The following CSF1R variants were observed in gnomAD, a reference collection of about 807,000 sequenced individuals.
CSF1R encodes macrophage colony-stimulating factor 1 receptor.
A neutral mutation model predicts 110.0 loss-of-function variants in CSF1R; 40 were observed. That is an observed-to-expected ratio of 0.36 (90% confidence interval 0.28 to 0.47). The LOEUF (loss-of-function observed/expected upper bound fraction) is 0.47, where lower values mean the gene tolerates loss of function less well. CSF1R is among the 20% of genes least tolerant of loss of function. The probability of loss-of-function intolerance (pLI) is 0.99; values close to 1 mark genes in which losing one functional copy is unlikely to be tolerated. For synonymous variants in CSF1R, 523 were observed against 503.4 expected (o/e 1.04, Z -0.52); for missense variants, 1,052 against 1,253.0 (o/e 0.84, Z 2.42).
rs187381023 is a variant in CSF1R, at chr5:150,107,886, C to T, written c.-181+5375G>A. On this transcript the variant is annotated intron_variant, in intron 1 of 21. Transcript: ENST00000286301. ...GATATTTCTCAATCACTGTCCCTGG[C>T]CCTGGGGACATGGTGGTGAACAGGT... is the stretch of plus-strand genomic sequence containing the variant. Among the ~76,000 whole-genome samples the T allele has an allele frequency of 4.0e-3, 607 of 152,330 alleles. 6 individuals carry two copies. Among genetic ancestry groups the T allele is most frequent in the Non-Finnish European group, 4.9e-3 (331 of 68,030 alleles).
intron 6 of CSF1R, among the ~76,000 whole-genome samples, chr5:150,071,457 C>G (rs985720627): frequency 6.6e-6 from 1 of 152,166 alleles, no homozygotes; most frequent in Admixed American, 6.5e-5. Flanking sequence ...TACTACTAGA[C>G]TAAAATCTAT....
At position 150,080,170 on chromosome 5, in the gene CSF1R, G is replaced by T; in HGVS notation, c.474C>A (p.Pro158=). The change falls in exon 3 of 21, where the codon CCC becomes CCA. Residue 158 remains proline (P), a synonymous_variant. Transcript: ENST00000675795. ...LMRHTNYSFS[P]WHGFTIHRAK... Reference sequence around the variant, plus strand: ...CCCTGTGGATGGTGAAGCCATGCCAGGGCGAGAAGGAGTAGTTGGTGTGGC... The same window carrying T: ...CCCTGTGGATGGTGAAGCCATGCCATGGCGAGAAGGAGTAGTTGGTGTGGC... The T allele has an allele frequency of 6.2e-7, 1 of 1,613,944 alleles. No homozygotes were observed. The highest frequency in any genetic ancestry group is 2.2e-5 in the East Asian group (1 of 44,880).
upstream of CSF1R, among the ~76,000 whole-genome samples, chr5:150,089,036 C>T (rs947185165): frequency 6.6e-6 from 1 of 152,084 alleles, no homozygotes; most frequent in Non-Finnish European, 1.5e-5. Flanking sequence ...CAAAACAAAA[C>T]AAAACCCACC....
At chr5:150,103,170 G>T (rs1307027385) in intron 1 of CSF1R, among the ~76,000 whole-genome samples, 1 of 152,218 alleles carries the variant, frequency 6.6e-6, no homozygotes, top group African/African-American at 2.4e-5. Flanking sequence ...TTTCTGAGTC[G>T]AAGGCCTAGG....
At chr5:150,061,652 G>T (rs1757533776) in intron 11 of CSF1R, 57 bp from the exon 12 acceptor site, 2 of 1,613,970 alleles carry the variant, frequency 1.2e-6, no homozygotes, top group Middle Eastern at 1.6e-4. Flanking sequence ...CTGTCCAAGG[G>T]CCCATGGGCT....
intron 10 of CSF1R, 63 bp downstream of exon 10, chr5:150,068,152 T>C: frequency 1.5e-6 from 2 of 1,312,050 alleles, no homozygotes; most frequent in Non-Finnish European, 2.2e-6. Flanking sequence ...CCATGCAGCC[T>C]GGGGGTACCA....
intron 10 of CSF1R, among the ~76,000 whole-genome samples, chr5:150,062,795 ATAAAG>A (rs1465184761): frequency 2.6e-5 from 4 of 152,202 alleles, no homozygotes; most frequent in Non-Finnish European, 5.9e-5. Context: ...TATGAAGAAA[ATAAAG>A]TAAGATAAGT....
chr5:150,086,469 G>A lies in CSF1R; in HGVS notation c.-42C>T, dbSNP rs767300847. 8.2e-6 allele frequency: 13 copies of A among 1,588,660 alleles called. No individual in the cohort carries two copies. In the South Asian group the frequency reaches 1.3e-4, roughly 15 times the overall value. On this transcript the variant is annotated 5_prime_UTR_variant, in exon 1 of 21. Coordinates refer to ENST00000675795, the MANE Select transcript of CSF1R (RefSeq NM_001288705.3). The stretch of plus-strand genomic sequence containing the variant: ...TGGCAGGCAGGTGCAGGGCTGCAAG[G>A]TGCCCAGGGCACAGAGCTCTCAGCT...
Position 150,110,301 on chromosome 5 carries a change from G to A in CSF1R, c.-181+2960C>T, listed in dbSNP as rs562202234. Reference sequence around the variant, plus strand: ...TAGAGGCTGCCTGTGTCAGGAATAAGAACCTCTTCCCCTCCCCTGTCAAGG... The same window carrying A: ...TAGAGGCTGCCTGTGTCAGGAATAAAAACCTCTTCCCCTCCCCTGTCAAGG... On this transcript the variant is annotated intron_variant, in intron 1 of 21. Coordinates refer to the CSF1R transcript ENST00000286301. Among the ~76,000 whole-genome samples, 36 of 152,284 alleles carry A rather than the reference G, an allele frequency of 2.4e-4. No individual in the cohort carries two copies. The South Asian group carries it at 7.5e-3, about 32-fold the overall frequency.
intron 19 of CSF1R, 72 bp from the exon 20 acceptor site, chr5:150,054,502 A>G: frequency 3.1e-6 from 4 of 1,303,348 alleles, no homozygotes; most frequent in Non-Finnish European, 4.3e-6. Context: ...ACACCCCTAG[A>G]GAGACCTACC....
At chr5:150,055,915 G>T in intron 18 of CSF1R, 111 bp downstream of exon 18, 1 of 953,898 alleles carries the variant, frequency 1.0e-6, no homozygotes, top group Non-Finnish European at 1.6e-6. Flanking sequence ...GCCCATTCCT[G>T]CACTCTCACC....
At chr5:150,080,634 G>T in intron 2 of CSF1R, 133 bp downstream of exon 2, 3 of 1,163,136 alleles carry the variant, frequency 2.6e-6, no homozygotes, top group African/African-American at 1.5e-5. Flanking sequence ...TACATTAGCA[G>T]CTCTTCCAGG....
At chr5:150,089,615 TCA>T (rs760568839), upstream of CSF1R, among the ~76,000 whole-genome samples, 2 of 152,196 alleles carry the variant, frequency 1.3e-5, no homozygotes, top group Non-Finnish European at 2.9e-5. Context: ...AGCGGTACTC[TCA>T]AAGTGAGACT....
In CSF1R at chr5:150,054,162, C is replaced by T. The variant is rs1451520371; in HGVS notation, c.2826G>A (p.Leu942=). Residue 942 remains leucine (L), a synonymous_variant, in exon 21 of 21, where the codon CTG becomes CTA. Coordinates refer to ENST00000675795, the MANE Select transcript of CSF1R (RefSeq NM_001288705.3). ...GGTGCTCACTAGAGCTCTCCTCCTCCAGCTCACTGCTGCTGCTGCCGCTGC... is the reference window on the plus strand; with the variant it reads ...GGTGCTCACTAGAGCTCTCCTCCTCTAGCTCACTGCTGCTGCTGCCGCTGC... ...SGGSGSSSSE[L]EEESSSEHLT... The T allele has an allele frequency of 1.9e-6, 3 of 1,613,274 alleles. No homozygotes were observed. The highest frequency in any genetic ancestry group is 1.7e-5 in the Admixed American group (1 of 59,942).
intron 5 of CSF1R, 138 bp from the exon 6 acceptor site, chr5:150,073,631 T>G: frequency 1.3e-6 from 1 of 768,546 alleles, no homozygotes; most frequent in Non-Finnish European, 2.0e-6. Context: ...CCAAGACAGG[T>G]CCTCTGACAC....
chr5:150,070,980 G>A (rs1489222136), intron 6 of CSF1R, among the ~76,000 whole-genome samples: 2 of 152,224 alleles, frequency 1.3e-5, no homozygotes, highest in African/African-American at 4.8e-5. Flanking sequence ...AGGGCCCTGG[G>A]TTCTGAGCCA....
At chr5:150,091,387 G>A (rs1759031765), upstream of CSF1R, among the ~76,000 whole-genome samples, 2 of 152,204 alleles carry the variant, frequency 1.3e-5, no homozygotes. Flanking sequence ...ACAGTTGACA[G>A]CTAAACAAAA....
intron 1 of CSF1R, among the ~76,000 whole-genome samples, chr5:150,104,228 T>TC (rs1260011872): frequency 2.0e-5 from 3 of 152,206 alleles, no homozygotes; most frequent in Non-Finnish European, 4.4e-5. Context: ...CAGAGACCCC[T>TC]CTCTGGTGGA....
At chr5:150,075,870 T>G (rs556151495) in intron 5 of CSF1R, among the ~76,000 whole-genome samples, 1 of 152,350 alleles carries the variant, frequency 6.6e-6, no homozygotes, top group East Asian at 1.9e-4. Flanking sequence ...AAGCTCCCAG[T>G]GCAGATTGGG....
Sources: gnomAD v4.1 joint callset for allele counts (sites outside exome capture counted in the v4.1 genomes callset) on GRCh38, gnomAD v4.1.1 for gene constraint, MANE v1.5 for transcripts, NCBI Gene and HGNC (gene_info 2026-07-23, HGNC 2026-07-21) for gene names.